The following CAST variants were observed in gnomAD, a reference collection of about 807,000 sequenced individuals.
The protein encoded by CAST is MIR583 host.
A neutral mutation model predicts 119.6 loss-of-function variants in CAST; 76 were observed. That is an observed-to-expected ratio of 0.64 (90% CI 0.53 to 0.77). The LOEUF (loss-of-function observed/expected upper bound fraction) is 0.77. CAST is among the 30% of genes least tolerant of loss of function. The pLI is 0.00. For synonymous variants in CAST, 319 were observed against 331.6 expected (o/e 0.96, Z 0.41); for missense variants, 953 against 946.5 (o/e 1.01, Z -0.09).
intron 1 of CAST, among the ~76,000 whole-genome samples, chr5:96,557,274 A>G (rs1457774809): frequency 6.6e-6 from 1 of 152,102 alleles, no homozygotes; most frequent in Non-Finnish European, 1.5e-5. Flanking sequence ...TGTAAAGACT[A>G]TCGATGCTAG....
In CAST at chr5:96,750,764, T is replaced by C. The variant is rs1392513406; in HGVS notation, c.1524+82T>C. The C allele has an allele frequency of 1.1e-5, 8 of 727,492 alleles. No homozygotes were observed. The East Asian group carries it at 2.1e-4, about 19-fold the overall frequency. The allele number at this position is 727,492 out of a possible 1,614,324, so 45.1% of individuals were successfully genotyped here. On this transcript the variant is annotated intron_variant, in intron 20 of 31. Coordinates refer to ENST00000675179, the MANE Select transcript of CAST (RefSeq NM_001750.7). ...TGTCACTCTCTGCTGTGTATTACCATCATTTTATCTTATCCTGACAAATTA... is the reference window on the plus strand; with the variant it reads ...TGTCACTCTCTGCTGTGTATTACCACCATTTTATCTTATCCTGACAAATTA...
chr5:96,271,859 T>C, the CAST span, among the ~76,000 whole-genome samples: 1 of 152,016 alleles, frequency 6.6e-6, no homozygotes, highest in Non-Finnish European at 1.5e-5. Flanking sequence ...AAACTACCCA[T>C]CTGACAAAGG....
chr5:96,441,129 A>G, the CAST span, among the ~76,000 whole-genome samples: 2 of 152,348 alleles, frequency 1.3e-5, no homozygotes, highest in African/African-American at 4.8e-5. Context: ...TGGTACAAGT[A>G]AATGATAGTT....
chr5:96,215,603 G>T, the CAST span: 2 of 152,024 alleles, frequency 1.3e-5, no homozygotes, highest in Admixed American at 1.3e-4. Context: ...TCTAATAAAA[G>T]TTGCAAATAT....
chr5:96,367,625 G>C, the CAST span, among the ~76,000 whole-genome samples: 40,433 of 151,990 alleles, frequency 0.27, 5,563 homozygotes, highest in South Asian at 0.33. Context: ...CTCCGTGCCA[G>C]GCGCGGGATA....
At chr5:96,175,666 A>G in the CAST span, among the ~76,000 whole-genome samples, 61 of 152,328 alleles carry the variant, frequency 4.0e-4, no homozygotes, top group Middle Eastern at 6.8e-3. Flanking sequence ...CCTGAATGAC[A>G]TGAAGCAACT....
At chr5:96,020,646 G>C in the CAST span, among the ~76,000 whole-genome samples, 3 of 152,134 alleles carry the variant, frequency 2.0e-5, no homozygotes, top group African/African-American at 7.2e-5. Flanking sequence ...ATCTGTCACT[G>C]TCTCCCATTA....
the CAST span, among the ~76,000 whole-genome samples, chr5:96,376,194 T>C: frequency 6.6e-6 from 1 of 151,524 alleles, no homozygotes; most frequent in Non-Finnish European, 1.5e-5. Flanking sequence ...AGTGGTCCCA[T>C]AAAATTAAAA....
At chr5:96,386,408 A>G in the CAST span, among the ~76,000 whole-genome samples, 47,373 of 152,110 alleles carry the variant, frequency 0.31, 8,053 homozygotes, top group Admixed American at 0.43. Flanking sequence ...TGATTAACCC[A>G]TTTCCAATGT....
At chr5:96,770,391 C>A (rs1184177961) in intron 29 of CAST, 140 bp from the exon 30 acceptor site, 1 of 594,860 alleles carries the variant, frequency 1.7e-6, no homozygotes. Flanking sequence ...CAAAAAAAAT[C>A]ATGAAAAAAC....
At chr5:96,469,865 G>GTATATATATATATAATA in the CAST span, among the ~76,000 whole-genome samples, 1 of 129,318 alleles carries the variant, frequency 7.7e-6, no homozygotes. Flanking sequence ...ATATGTGTGT[G>GTATATATATATATAATA]TATATATATA....
chr5:96,762,107 A>G, intron 24 of CAST, 167 bp from the exon 25 acceptor site: 1 of 449,440 alleles, frequency 2.2e-6, no homozygotes, highest in South Asian at 5.9e-5. Context: ...AATACAATAG[A>G]GAAGAAAGAA....
the CAST span, among the ~76,000 whole-genome samples, chr5:96,228,598 A>C: frequency 1.1e-4 from 17 of 152,314 alleles, no homozygotes; most frequent in Non-Finnish European, 1.5e-4. Flanking sequence ...AATACGCATA[A>C]ATTTTATAGC....
the CAST span, among the ~76,000 whole-genome samples, chr5:96,305,257 C>T: frequency 6.6e-6 from 1 of 152,044 alleles, no homozygotes; most frequent in South Asian, 2.1e-4. Flanking sequence ...TGTCTCTTGT[C>T]TATTATTGGT....
chr5:96,243,541 C>G, the CAST span, among the ~76,000 whole-genome samples: 1 of 152,076 alleles, frequency 6.6e-6, no homozygotes, highest in Non-Finnish European at 1.5e-5. Context: ...ACTTTAAGTA[C>G]TGCTATATCT....
chr5:95,988,779 A>G, the CAST span, among the ~76,000 whole-genome samples: 1 of 152,218 alleles, frequency 6.6e-6, no homozygotes, highest in Admixed American at 6.5e-5. Flanking sequence ...CAGAATACGC[A>G]TAAACTCTTT....
chr5:96,105,001 T>C, the CAST span, among the ~76,000 whole-genome samples: 2 of 115,014 alleles, frequency 1.7e-5, no homozygotes, highest in Non-Finnish European at 3.5e-5. Flanking sequence ...GAAGCAATTG[T>C]GAATGGGAGT....
chr5:96,691,355 T>C (rs1227651968), intron 2 of CAST, among the ~76,000 whole-genome samples: 1 of 150,936 alleles, frequency 6.6e-6, no homozygotes, highest in Admixed American at 6.9e-5. Flanking sequence ...AATCAAACTG[T>C]TTCCAAGTAA....
intron 1 of CAST, among the ~76,000 whole-genome samples, chr5:96,561,992 C>T: frequency 6.7e-6 from 1 of 150,016 alleles, no homozygotes; most frequent in Non-Finnish European, 1.5e-5. Context: ...CGGGGTTTCA[C>T]CGTGTTAGCC....
Sources: allele counts gnomAD v4.1 joint callset (sites outside exome capture counted in the v4.1 genomes callset), GRCh38; gene constraint gnomAD v4.1.1; transcripts MANE v1.5; gene names NCBI Gene and HGNC (gene_info 2026-07-23, HGNC 2026-07-21).